Variants in EPHA6 observed in about 807,000 individuals in gnomAD.
EPHA6 encodes the protein ephrin type-A receptor 6.
EPHA6 carries 50 observed loss-of-function variants against 112.0 expected under a neutral mutation model. The observed-to-expected ratio is 0.45, with a 90% CI of 0.36 to 0.56. The LOEUF (loss-of-function observed/expected upper bound fraction) is 0.56. EPHA6 is among the 20% of genes least tolerant of loss of function. EPHA6 has a pLI of 0.00. For missense variants in EPHA6, 1,280 were observed against 1,417.4 expected, an observed-to-expected ratio of 0.90 and a Z score of 1.56; for synonymous variants, 529 against 490.7, an observed-to-expected ratio of 1.08 and a Z score of -1.03.
intron 3 of EPHA6, among the ~76,000 whole-genome samples, chr3:97,108,518 C>G (rs2047633087): frequency 6.6e-6 from 1 of 152,112 alleles, no homozygotes; most frequent in African/African-American, 2.4e-5. Context: ...GAAAAGAACA[C>G]AATACTTACG....
At chr3:97,424,157 A>G (rs1331874687) in intron 6 of EPHA6, among the ~76,000 whole-genome samples, 1 of 152,206 alleles carries the variant, frequency 6.6e-6, no homozygotes, top group South Asian at 2.1e-4. Flanking sequence ...AAGTTTGTGC[A>G]TAGGAACTCT....
At chr3:97,611,921 G>A (rs1265166741) in intron 13 of EPHA6, among the ~76,000 whole-genome samples, 2 of 151,764 alleles carry the variant, frequency 1.3e-5, no homozygotes, top group Non-Finnish European at 2.9e-5. Flanking sequence ...TGCTCTGAAT[G>A]CTAGCAGTGA....
intron 3 of EPHA6, among the ~76,000 whole-genome samples, chr3:97,092,091 T>G (rs1462531483): frequency 6.6e-6 from 1 of 151,074 alleles, no homozygotes; most frequent in Non-Finnish European, 1.5e-5. Context: ...ACAAGGTTTT[T>G]TTTTTTAAAA....
chr3:97,240,040 T>C (rs1202883426), intron 4 of EPHA6, among the ~76,000 whole-genome samples: 6 of 151,882 alleles, frequency 4.0e-5, no homozygotes, highest in Non-Finnish European at 5.9e-5. Context: ...TATACTGATA[T>C]GGTTCCTTCC....
chr3:97,004,577 C>G (rs1031819750), intron 3 of EPHA6, among the ~76,000 whole-genome samples: 8 of 152,000 alleles, frequency 5.3e-5, no homozygotes, highest in African/African-American at 1.9e-4. Context: ...AAATTTTCTC[C>G]CATTCTGTAG....
chr3:97,384,432 G>A (rs908790419), intron 5 of EPHA6, among the ~76,000 whole-genome samples: 3 of 152,078 alleles, frequency 2.0e-5, no homozygotes, highest in East Asian at 3.9e-4. Flanking sequence ...GTAGAGCCTG[G>A]GCTGACTATT....
intron 3 of EPHA6, among the ~76,000 whole-genome samples, chr3:97,052,037 C>T (rs1490170712): frequency 6.6e-6 from 1 of 152,070 alleles, no homozygotes. Flanking sequence ...TGTTTATCTT[C>T]ATGAAACTCC....
At chr3:96,861,090 G>A (rs72933406) in intron 1 of EPHA6, among the ~76,000 whole-genome samples, 2,017 of 152,078 alleles carry the variant, frequency 0.013, 49 homozygotes, top group African/African-American at 0.045. Context: ...GTAAGTGCTG[G>A]TAATAGCAGG....
In EPHA6 at chr3:97,731,786, G is replaced by A. The variant is rs545506628; in HGVS notation, c.2935-4139G>A. Among the ~76,000 whole-genome samples the A allele has an allele frequency of 2.5e-4, 38 of 152,116 alleles. 1 individual carries two copies. Among genetic ancestry groups the A allele is most frequent in the Non-Finnish European group, 2.2e-4 (15 of 67,950 alleles). On this transcript the variant is annotated intron_variant, in intron 15 of 17. Transcript: ENST00000389672. ...ATGTTGAATCTGAAACCAGAAAGTT[G>A]ATAGAAAATTGAACTCATCATCACT...
intron 16 of EPHA6, among the ~76,000 whole-genome samples, chr3:97,742,276 T>A (rs2035537480): frequency 6.6e-6 from 1 of 152,152 alleles, no homozygotes; most frequent in Non-Finnish European, 1.5e-5. Flanking sequence ...GCATGTGACA[T>A]GAGACCTATT....
chr3:97,442,365 C>A (rs2090164707), intron 6 of EPHA6, among the ~76,000 whole-genome samples: 1 of 152,066 alleles, frequency 6.6e-6, no homozygotes, highest in Non-Finnish European at 1.5e-5. Context: ...GCGAGTGGAC[C>A]ACTTGAGGCC....
At position 97,373,411 on chromosome 3, in the gene EPHA6, T is replaced by A. The variant is rs144336090; in HGVS notation, c.1607-31739T>A. On this transcript the variant is annotated intron_variant, in intron 5 of 17. Transcript: ENST00000389672. ...AGAATAAGCTGGTGGTATTCCTCTT[T>A]TCCACTGAGTCAAGTGGTTGAAAAT... Among the ~76,000 whole-genome samples, 453 of 152,276 alleles carry A rather than the reference T, an allele frequency of 3.0e-3. 4 individuals carry two copies. The highest frequency in any genetic ancestry group is 0.01 in the African/African-American group (424 of 41,576).
rs138411869 is a variant in EPHA6 at position 97,054,163 on chromosome 3, AACACACACAC to A, written c.1114+66194_1114+66203del. ...GCAGCAGATTCTGACATAACTATCT[AACACACACAC>A]ACACACACACACACACACACACAAC... is the stretch of plus-strand genomic sequence containing the variant. On this transcript the variant is annotated intron_variant, in intron 3 of 17. Coordinates refer to ENST00000389672, the MANE Select transcript of EPHA6 (RefSeq NM_001080448.3). 3.5e-3 allele frequency among the ~76,000 whole-genome samples: 503 copies of A among 145,646 alleles called. 3 individuals carry two copies. Among genetic ancestry groups the A allele is most frequent in the African/African-American group, 9.8e-3 (395 of 40,468 alleles).
At chr3:97,071,514 C>A (rs185650244) in intron 3 of EPHA6, among the ~76,000 whole-genome samples, 19 of 151,952 alleles carry the variant, frequency 1.3e-4, no homozygotes, top group African/African-American at 4.6e-4. Flanking sequence ...ATGCCGGTGG[C>A]AAGAGAAAAT....
At chr3:97,202,377 G>T (rs990135003) in intron 3 of EPHA6, among the ~76,000 whole-genome samples, 39 of 150,708 alleles carry the variant, frequency 2.6e-4, no homozygotes, top group Non-Finnish European at 3.8e-4. Flanking sequence ...GAGAGATGGA[G>T]TCTCGCTCTG....
chr3:96,946,218 C>T (rs978557461), intron 2 of EPHA6, among the ~76,000 whole-genome samples: 5 of 151,898 alleles, frequency 3.3e-5, no homozygotes, highest in Admixed American at 6.6e-5. Flanking sequence ...TACATGTGCA[C>T]AACATGCAGG....
chr3:97,649,165 G>A (rs142993212), intron 14 of EPHA6, among the ~76,000 whole-genome samples: 6 of 152,170 alleles, frequency 3.9e-5, no homozygotes, highest in South Asian at 4.2e-4. Context: ...TCACAGTTCC[G>A]TATGGCTGGG....
At chr3:97,732,566 T>C (rs1367637628) in intron 15 of EPHA6, among the ~76,000 whole-genome samples, 2 of 152,234 alleles carry the variant, frequency 1.3e-5, no homozygotes, top group East Asian at 3.9e-4. Context: ...GTTAGAAACA[T>C]ATATCTTTTA....
intron 1 of EPHA6, among the ~76,000 whole-genome samples, chr3:96,825,147 T>A (rs1488784121): frequency 6.6e-6 from 1 of 151,982 alleles, no homozygotes; most frequent in Non-Finnish European, 1.5e-5. Context: ...TTAAAGTAAC[T>A]GAATTAGTTT....
Sources: allele counts gnomAD v4.1 joint callset (sites outside exome capture counted in the v4.1 genomes callset), GRCh38; gene constraint gnomAD v4.1.1; transcripts MANE v1.5; gene names NCBI Gene and HGNC (gene_info 2026-07-23, HGNC 2026-07-21).